Variants in PRKAR1B observed in about 807,000 individuals in gnomAD.
PRKAR1B encodes protein kinase cAMP-dependent type I regulatory subunit beta.
In PRKAR1B, 22 loss-of-function variants were observed where a neutral mutation model predicts 46.5. The observed-to-expected ratio is 0.47, with a 90% CI of 0.34 to 0.68. The LOEUF is 0.68. Among genes scored for constraint, PRKAR1B ranks in the 30% least tolerant of loss-of-function variants. PRKAR1B has a pLI of 0.01. For missense variants in PRKAR1B, 445 were observed against 535.6 expected (o/e 0.83, Z 1.67); for synonymous variants, 259 against 217.7 (o/e 1.19, Z -1.67).
At chr7:717,903 G>T (rs918760145) in intron 1 of PRKAR1B, among the ~76,000 whole-genome samples, 1 of 151,840 alleles carries the variant, frequency 6.6e-6, no homozygotes, top group African/African-American at 2.4e-5. Context: ...CCCCTGCCCG[G>T]TGGGGTACAG....
chr7:589,751 A>C (rs1780873836), intron 7 of PRKAR1B, among the ~76,000 whole-genome samples: 1 of 152,240 alleles, frequency 6.6e-6, no homozygotes. Context: ...TCTGCTCTGG[A>C]AGAACAGAAG....
At chr7:632,363 A>G (rs1783804225) in intron 4 of PRKAR1B, among the ~76,000 whole-genome samples, 1 of 152,012 alleles carries the variant, frequency 6.6e-6, no homozygotes, top group Admixed American at 6.5e-5. Flanking sequence ...CGGACTCGAG[A>G]CGAATCCTCC....
chr7:725,681 A>G (rs1781236436), intron 1 of PRKAR1B, among the ~76,000 whole-genome samples: 1 of 152,218 alleles, frequency 6.6e-6, no homozygotes, highest in Non-Finnish European at 1.5e-5. Context: ...TTGTAAGACT[A>G]ACACATGAGC....
intron 9 of PRKAR1B, among the ~76,000 whole-genome samples, chr7:574,443 C>A (rs1001142561): frequency 7.3e-5 from 11 of 150,926 alleles, no homozygotes; most frequent in Non-Finnish European, 1.5e-4. Context: ...ATTAACAGAT[C>A]CAGATTTTTT....
At chr7:611,354 G>C (rs1458094854) in intron 4 of PRKAR1B, among the ~76,000 whole-genome samples, 1 of 152,230 alleles carries the variant, frequency 6.6e-6, no homozygotes, top group Non-Finnish European at 1.5e-5. Flanking sequence ...GCCACCCCCA[G>C]CTCTCTCTGG....
At chr7:597,781 G>A (rs1237996051) in intron 6 of PRKAR1B, among the ~76,000 whole-genome samples, 1 of 152,146 alleles carries the variant, frequency 6.6e-6, no homozygotes, top group Non-Finnish European at 1.5e-5. Context: ...TGAAGCTGGA[G>A]AGGGCCTGCA....
At chr7:594,965 C>T (rs1052241478) in intron 7 of PRKAR1B, among the ~76,000 whole-genome samples, 4 of 152,226 alleles carry the variant, frequency 2.6e-5, no homozygotes, top group East Asian at 1.9e-4. Flanking sequence ...AATGGCCGCA[C>T]GGGGTGCTGT....
intron 9 of PRKAR1B, among the ~76,000 whole-genome samples, chr7:552,327 CCGCAGAGCCA>C (rs1562512458): frequency 9.3e-5 from 11 of 118,622 alleles, no homozygotes; most frequent in East Asian, 5.1e-4. Context: ...CGGGTCCTTC[CCGCAGAGCCA>C]CTGCCACCAC....
chr7:579,559 G>A (rs1434263861), intron 8 of PRKAR1B, among the ~76,000 whole-genome samples, 182 bp from the exon 9 acceptor site: 1 of 152,246 alleles, frequency 6.6e-6, no homozygotes, highest in Non-Finnish European at 1.5e-5. Context: ...CTGTGCCAGG[G>A]GGCCTGGGTT....
chr7:582,080 G>A (rs1428338328), intron 8 of PRKAR1B, among the ~76,000 whole-genome samples: 3 of 152,200 alleles, frequency 2.0e-5, no homozygotes, highest in Admixed American at 6.5e-5. Flanking sequence ...CAGAATAAAC[G>A]CAGTCACGTG....
chr7:705,161 A>T (rs555395249), intron 2 of PRKAR1B, among the ~76,000 whole-genome samples: 1 of 151,920 alleles, frequency 6.6e-6, no homozygotes, highest in African/African-American at 2.4e-5. Context: ...GCATGGTGGC[A>T]CATGCCTGTA....
chr7:694,824 T>C (rs759462869), intron 2 of PRKAR1B, among the ~76,000 whole-genome samples: 16 of 151,896 alleles, frequency 1.1e-4, no homozygotes, highest in Non-Finnish European at 2.2e-4. Context: ...TCACCTGAGG[T>C]CAGAAGTTCG....
chr7:569,830 C>T (rs558317342), intron 9 of PRKAR1B, among the ~76,000 whole-genome samples: 15 of 152,272 alleles, frequency 9.9e-5, no homozygotes, highest in African/African-American at 1.4e-4. Context: ...CCAGTGAGCC[C>T]GCAGACCCCA....
intron 4 of PRKAR1B, among the ~76,000 whole-genome samples, chr7:647,427 C>G (rs376839034): frequency 6.6e-6 from 1 of 152,010 alleles, no homozygotes; most frequent in Non-Finnish European, 1.5e-5. Flanking sequence ...GATCCCAACA[C>G]CCCCCAGCAG....
At chr7:598,958 G>T (rs892183832) in intron 6 of PRKAR1B, among the ~76,000 whole-genome samples, 2 of 152,250 alleles carry the variant, frequency 1.3e-5, no homozygotes, top group Admixed American at 1.3e-4. Flanking sequence ...GAGCCAGCCC[G>T]GGACGGCCGC....
At chr7:596,067 C>T in intron 7 of PRKAR1B, 79 bp downstream of exon 7, 4 of 1,537,152 alleles carry the variant, frequency 2.6e-6, no homozygotes, top group Non-Finnish European at 3.5e-6. Context: ...GCATCCCCAC[C>T]TTGAATAGAG....
chr7:601,610 G>C (rs1405932270), intron 6 of PRKAR1B, among the ~76,000 whole-genome samples: 1 of 152,108 alleles, frequency 6.6e-6, no homozygotes, highest in African/African-American at 2.4e-5. Flanking sequence ...CAGCTCCTGC[G>C]CCCGGCCCCG....
intron 4 of PRKAR1B, among the ~76,000 whole-genome samples, chr7:615,253 G>A (rs992892496): frequency 5.4e-5 from 8 of 148,652 alleles, no homozygotes; most frequent in African/African-American, 7.5e-5. Context: ...GTGAAACCCC[G>A]TCTCTACTAA....
rs553453780 is a variant in PRKAR1B, at chr7:606,307, C to G, written c.503-68G>C. The G allele has an allele frequency of 3.6e-5, 54 of 1,513,284 alleles. No homozygotes were observed. In the African/African-American group the frequency reaches 6.2e-4, roughly 17 times the overall value. 93.7% of individuals were successfully genotyped at this position (1,513,284 alleles called of 1,614,324 possible). A position where few individuals can be genotyped will look rare whatever the true frequency, so the allele number is the denominator to read the frequency against. Reference sequence around the variant, plus strand: ...GACATACAAGTTACAGTTTCTCTTGCAAACGACTTTCGCAACACTGTTGCA... The same window carrying G: ...GACATACAAGTTACAGTTTCTCTTGGAAACGACTTTCGCAACACTGTTGCA... On this transcript the variant is annotated intron_variant, in intron 5 of 10. Transcript: ENST00000537384.
Sources: gnomAD v4.1 joint callset for allele counts (sites outside exome capture counted in the v4.1 genomes callset) on GRCh38, gnomAD v4.1.1 for gene constraint, MANE v1.5 for transcripts, NCBI Gene and HGNC (gene_info 2026-07-23, HGNC 2026-07-21) for gene names.